ZNF385D: variants seen among roughly 807,000 people sequenced by gnomAD.
ZNF385D encodes zinc finger protein 659.
A neutral mutation model predicts 35.8 loss-of-function variants in ZNF385D; 15 were observed. That is an observed-to-expected ratio of 0.42 (90% CI 0.28 to 0.64). ZNF385D has a LOEUF of 0.64. Among genes scored for constraint, ZNF385D ranks in the 30% least tolerant of loss-of-function variants. The pLI, the probability that ZNF385D is intolerant of heterozygous loss-of-function variation, is 0.23. For missense variants in ZNF385D, 474 were observed against 494.6 expected, an observed-to-expected ratio of 0.96 and a Z score of 0.39; for synonymous variants, 212 against 186.8, an observed-to-expected ratio of 1.13 and a Z score of -1.10.
intron 3 of ZNF385D, among the ~76,000 whole-genome samples, chr3:21,955,182 A>G (rs1248160328): frequency 1.3e-5 from 2 of 152,304 alleles, no homozygotes; most frequent in Admixed American, 6.5e-5. Flanking sequence ...AACACAGTAC[A>G]GTAACATAAA....
At chr3:21,885,631 T>A (rs2023547) in intron 3 of ZNF385D, among the ~76,000 whole-genome samples, 1 of 151,520 alleles carries the variant, frequency 6.6e-6, no homozygotes, top group Non-Finnish European at 1.5e-5. Context: ...ATATATTTTA[T>A]TGTTACTTTA....
intron 2 of ZNF385D, among the ~76,000 whole-genome samples, chr3:22,226,073 A>T (rs1698535138): frequency 6.6e-6 from 1 of 152,152 alleles, no homozygotes; most frequent in Non-Finnish European, 1.5e-5. Context: ...CAACATGAAA[A>T]GAAACTATAT....
At chr3:21,845,094 A>C (rs1430157570) in intron 3 of ZNF385D, among the ~76,000 whole-genome samples, 1 of 152,000 alleles carries the variant, frequency 6.6e-6, no homozygotes, top group African/African-American at 2.4e-5. Flanking sequence ...TTTTTATTCA[A>C]GAGAATAACT....
chr3:22,259,030 T>C (rs1004748266), intron 2 of ZNF385D, among the ~76,000 whole-genome samples: 3 of 151,832 alleles, frequency 2.0e-5, no homozygotes, highest in African/African-American at 7.2e-5. Context: ...TGTGGTAATT[T>C]TGTAAAGTGT....
intron 1 of ZNF385D, among the ~76,000 whole-genome samples, chr3:21,690,260 T>C (rs2067239004): frequency 6.6e-6 from 1 of 152,294 alleles, no homozygotes; most frequent in Middle Eastern, 3.4e-3. Flanking sequence ...TACATCCATA[T>C]AGACACATAT....
intron 4 of ZNF385D, among the ~76,000 whole-genome samples, chr3:21,488,947 G>A (rs527569513): frequency 1.6e-3 from 251 of 152,204 alleles, no homozygotes; most frequent in African/African-American, 5.5e-3. Context: ...CATTGTTGCC[G>A]CTAGAGTCAG....
chr3:21,910,988 T>G (rs908512416), intron 3 of ZNF385D, among the ~76,000 whole-genome samples: 2 of 151,912 alleles, frequency 1.3e-5, no homozygotes. Context: ...TTTTCTAAAA[T>G]CCCTAGGATG....
At chr3:22,024,070 G>A (rs1306915988) in intron 3 of ZNF385D, among the ~76,000 whole-genome samples, 2 of 151,984 alleles carry the variant, frequency 1.3e-5, no homozygotes, top group Non-Finnish European at 2.9e-5. Context: ...AATCTGGTGG[G>A]CACAACCTAA....
chr3:21,633,785 C>A (rs2065348083), intron 2 of ZNF385D, among the ~76,000 whole-genome samples: 1 of 152,178 alleles, frequency 6.6e-6, no homozygotes, highest in South Asian at 2.1e-4. Context: ...TAACTCCAGA[C>A]TTTCCATAAT....
chr3:22,038,354 T>C (rs907109405), intron 3 of ZNF385D, among the ~76,000 whole-genome samples: 2 of 152,198 alleles, frequency 1.3e-5, no homozygotes, highest in East Asian at 3.8e-4. Flanking sequence ...ATACTGGCTT[T>C]CTCACTTATT....
At chr3:22,110,717 A>C (rs926799139) in intron 3 of ZNF385D, among the ~76,000 whole-genome samples, 2 of 152,028 alleles carry the variant, frequency 1.3e-5, no homozygotes, top group African/African-American at 4.8e-5. Context: ...GCAGCACACC[A>C]ACATGGCACA....
chr3:21,885,386 C>T (rs1016556653), intron 3 of ZNF385D, among the ~76,000 whole-genome samples: 1 of 151,722 alleles, frequency 6.6e-6, no homozygotes, highest in Admixed American at 6.6e-5. Context: ...CTTACTTATA[C>T]CCTAATATTG....
chr3:21,599,109 C>T (rs527700320), intron 2 of ZNF385D, among the ~76,000 whole-genome samples: 3 of 152,260 alleles, frequency 2.0e-5, no homozygotes, highest in East Asian at 1.9e-4. Context: ...CAGGAGGTTA[C>T]CAAAATGCAA....
intron 2 of ZNF385D, among the ~76,000 whole-genome samples, chr3:21,610,345 G>A (rs1162870740): frequency 6.6e-6 from 1 of 152,074 alleles, no homozygotes; most frequent in East Asian, 1.9e-4. Flanking sequence ...TACTAACTTT[G>A]AGTTATTACA....
intron 3 of ZNF385D, among the ~76,000 whole-genome samples, chr3:21,983,824 CTGT>C (rs1327929266): frequency 2.4e-5 from 2 of 84,270 alleles, no homozygotes; most frequent in Non-Finnish European, 4.5e-5. Flanking sequence ...TCTCCAGCAC[CTGT>C]TGTTTCCTGA....
At chr3:22,317,095 T>G (rs2125438607) in intron 2 of ZNF385D, among the ~76,000 whole-genome samples, 1 of 151,836 alleles carries the variant, frequency 6.6e-6, no homozygotes, top group Non-Finnish European at 1.5e-5. Flanking sequence ...CTGACCAACA[T>G]GGAGAAACCC....
chr3:21,628,915 C>T (rs1438610893), intron 2 of ZNF385D, among the ~76,000 whole-genome samples: 1 of 152,090 alleles, frequency 6.6e-6, no homozygotes, highest in Non-Finnish European at 1.5e-5. Flanking sequence ...TCCTTTCCAA[C>T]TCCATGTTTT....
In ZNF385D at chr3:21,737,470, C is replaced by T. The variant is rs551385772; in HGVS notation, c.22+13425G>A. The stretch of plus-strand genomic sequence containing the variant: ...TAAACAAGAGGGGGATATATATACA[C>T]ACACACACACACACACACATACACA... On this transcript the variant is annotated intron_variant, in intron 1 of 7. Transcript: ENST00000281523. Among the ~76,000 whole-genome samples the T allele has an allele frequency of 9.0e-3, 1,343 of 149,690 alleles. 24 individuals carry two copies. Among genetic ancestry groups the T allele is most frequent in the African/African-American group, 0.03 (1,240 of 41,072 alleles).
intron 2 of ZNF385D, among the ~76,000 whole-genome samples, chr3:22,181,784 A>G (rs1209222173): frequency 6.6e-6 from 1 of 152,084 alleles, no homozygotes; most frequent in Non-Finnish European, 1.5e-5. Context: ...AGTAATGCCC[A>G]TAGACTCTCC....
Sources: allele counts gnomAD v4.1 joint callset (sites outside exome capture counted in the v4.1 genomes callset), GRCh38; gene constraint gnomAD v4.1.1; transcripts MANE v1.5; gene names NCBI Gene and HGNC (gene_info 2026-07-23, HGNC 2026-07-21).